Variants in PIEZO2 observed in about 807,000 individuals in gnomAD.
The protein encoded by PIEZO2 is piezo-type mechanosensitive ion channel component 2.
A neutral mutation model predicts 337.3 loss-of-function variants in PIEZO2; 172 were observed. The ratio of observed to expected loss-of-function variants is 0.51; its 90% CI spans 0.45 to 0.58. The LOEUF (loss-of-function observed/expected upper bound fraction) is 0.58, where lower values mean the gene tolerates loss of function less well. Among genes scored for constraint, PIEZO2 ranks in the 20% least tolerant of loss-of-function variants. PIEZO2 has a pLI of 0.00. For synonymous variants in PIEZO2, 1,251 were observed against 1,228.5 expected, an observed-to-expected ratio of 1.02 and a Z score of -0.38; for missense variants, 3,028 against 3,391.3, an observed-to-expected ratio of 0.89 and a Z score of 2.66.
rs2042115553 is a variant in PIEZO2, at chr18:10,870,580, G to C, written c.492+673C>G. Reference sequence around the variant, plus strand: ...CATAACAGTGTCCTGAGGCTGGTCAGGGGGCAGCGTGAGAGCCGTCTGACA... The same window carrying C: ...CATAACAGTGTCCTGAGGCTGGTCACGGGGCAGCGTGAGAGCCGTCTGACA... On this transcript the variant is annotated intron_variant, in intron 5 of 55. Transcript: ENST00000674853. This position sits in a 1 kb window ranked among gnomAD's most constrained non-coding sequence, Gnocchi z 5.3. 6.6e-6 allele frequency among the ~76,000 whole-genome samples: 1 copy of C among 151,296 alleles called. No individual in the cohort carries two copies. The highest frequency in any genetic ancestry group is 6.6e-5 in the Admixed American group (1 of 15,194).
At chr18:11,026,497 T>C (rs2036546790) in intron 2 of PIEZO2, among the ~76,000 whole-genome samples, 1 of 152,112 alleles carries the variant, frequency 6.6e-6, no homozygotes, top group South Asian at 2.1e-4. Context: ...CACCTGTAAC[T>C]CCTTGTCTTA....
intron 36 of PIEZO2, chr18:10,725,038 G>A (rs536300004): frequency 5.1e-6 from 8 of 1,580,086 alleles, no homozygotes; most frequent in South Asian, 1.1e-5. Flanking sequence ...CTGCATGTTG[G>A]TGGCCCTGCG....
chr18:10,715,895 T>C, intron 37 of PIEZO2, 79 bp from the exon 38 acceptor site: 2 of 1,210,268 alleles, frequency 1.7e-6, no homozygotes, highest in East Asian at 2.6e-5. Flanking sequence ...AGCGATGTTT[T>C]ACCAAAGCTG....
chr18:10,778,352 T>G lies in PIEZO2; in HGVS notation c.2534+1973A>C, dbSNP rs1414145071. Among the ~76,000 whole-genome samples the G allele has an allele frequency of 7.8e-4, 30 of 38,458 alleles. 1 individual carries two copies. Among genetic ancestry groups the G allele is most frequent in the East Asian group, 1.5e-3 (1 of 666 alleles). The allele number at this position is 38,458 out of a possible 152,430, so 25.2% of individuals were successfully genotyped here. On this transcript the variant is annotated intron_variant, in intron 18 of 55. Coordinates refer to ENST00000674853, the MANE Select transcript of PIEZO2 (RefSeq NM_001378183.1). ...TGGCTGCTCTTTTTTTTTTTTTTTT[T>G]GAGAGGGAGTCGCTCTGTCGCCCAG... is the stretch of plus-strand genomic sequence containing the variant.
chr18:10,828,447 A>G lies in PIEZO2; in HGVS notation c.918-21173T>C, dbSNP rs916510015. Among the ~76,000 whole-genome samples, 5 of 152,144 alleles carry G rather than the reference A, an allele frequency of 3.3e-5. No individual in the cohort carries two copies. The highest frequency in any genetic ancestry group is 7.4e-5 in the Non-Finnish European group (5 of 68,010). On this transcript the variant is annotated intron_variant, in intron 7 of 55. Transcript: ENST00000674853. This position sits in a 1 kb window ranked among gnomAD's most constrained non-coding sequence, Gnocchi z 4.1. The stretch of plus-strand genomic sequence containing the variant: ...GTTGGGGATTTTGGTGCATTTTAAC[A>G]GCTTCTTCAATTAAGGGATTCATGT...
rs984013399 is a variant in PIEZO2, at chr18:10,819,007, T to G, written c.918-11733A>C. On this transcript the variant is annotated intron_variant, in intron 7 of 55. Coordinates refer to ENST00000674853, the MANE Select transcript of PIEZO2 (RefSeq NM_001378183.1). The surrounding 1 kb of genome is among the most constrained non-coding windows in gnomAD (Gnocchi z 4.3). ...ATTTTTTATCTATATTGTTAGTGGC[T>G]AATAATTTTTTGTTACACTTTAAAC... is the stretch of plus-strand genomic sequence containing the variant. Among the ~76,000 whole-genome samples, 2 of 152,342 alleles carry G rather than the reference T, an allele frequency of 1.3e-5. No homozygotes were observed. Among genetic ancestry groups the G allele is most frequent in the East Asian group, 3.9e-4 (2 of 5,192 alleles).
At chr18:10,758,194 AAC>A in intron 26 of PIEZO2, 60 bp from the exon 27 acceptor site, 1 of 1,482,556 alleles carries the variant, frequency 6.7e-7, no homozygotes, top group South Asian at 1.3e-5. Flanking sequence ...TACATAATGC[AAC>A]ACACAGTCAT....
rs1221125527 is a variant in PIEZO2 at position 11,080,747 on chromosome 18, G to A, written c.65-14525C>T. Among the ~76,000 whole-genome samples the A allele has an allele frequency of 6.6e-6, 1 of 152,176 alleles. No homozygotes were observed. The highest frequency in any genetic ancestry group is 2.4e-5 in the African/African-American group (1 of 41,438). Reference sequence around the variant, plus strand: ...TAGTCCCAGCTACTTGAGAGGCTGAGGCAGGAGAATCGCTTGAACTCGGGA... The same window carrying A: ...TAGTCCCAGCTACTTGAGAGGCTGAAGCAGGAGAATCGCTTGAACTCGGGA... On this transcript the variant is annotated intron_variant, in intron 1 of 55. Transcript: ENST00000674853. This position sits in a 1 kb window ranked among gnomAD's most constrained non-coding sequence, Gnocchi z 5.4.
intron 1 of PIEZO2, among the ~76,000 whole-genome samples, chr18:11,119,212 A>G (rs1041006983): frequency 6.7e-6 from 1 of 149,468 alleles, no homozygotes; most frequent in African/African-American, 2.5e-5. Flanking sequence ...CAGTGGCCCA[A>G]TCTTGGCTCA....
intron 2 of PIEZO2, among the ~76,000 whole-genome samples, chr18:11,019,125 C>T (rs2036225753): frequency 6.6e-6 from 1 of 152,168 alleles, no homozygotes; most frequent in Non-Finnish European, 1.5e-5. Context: ...CTGATGTCTC[C>T]ATTGACGTAG....
At chr18:10,968,373 T>C (rs2034101126) in intron 3 of PIEZO2, among the ~76,000 whole-genome samples, 1 of 152,210 alleles carries the variant, frequency 6.6e-6, no homozygotes, top group Non-Finnish European at 1.5e-5. Context: ...TAGTTTGAAG[T>C]CAGGTAATGT....
Position 10,713,528 on chromosome 18 carries a change from T to C in PIEZO2, c.5423+1236A>G, listed in dbSNP as rs149518581. Among the ~76,000 whole-genome samples the C allele has an allele frequency of 1.3e-5, 2 of 152,186 alleles. No individual in the cohort carries two copies. Among genetic ancestry groups the C allele is most frequent in the African/African-American group, 4.8e-5 (2 of 41,434 alleles). On this transcript the variant is annotated intron_variant, in intron 39 of 55. Coordinates refer to ENST00000674853, the MANE Select transcript of PIEZO2 (RefSeq NM_001378183.1). This position sits in a 1 kb window ranked among gnomAD's most constrained non-coding sequence, Gnocchi z 4.5. ...AGGTCATTAGTGCCTCGCTCTAAAG[T>C]GTGACTCTAAAGCCATCCAGGAGTT... is the stretch of plus-strand genomic sequence containing the variant.
Position 10,758,729 on chromosome 18 carries a change from G to C in PIEZO2, c.3758-595C>G, listed in dbSNP as rs181854556. Among the ~76,000 whole-genome samples the C allele has an allele frequency of 2.6e-3, 401 of 152,230 alleles. 2 individuals carry two copies. Among genetic ancestry groups the C allele is most frequent in the African/African-American group, 9.0e-3 (375 of 41,548 alleles). ...TTCTTTATCCTTTCCATCCTCCTTTGCATTTGTAACCAAAGACTGTCCCCA... is the reference window on the plus strand; with the variant it reads ...TTCTTTATCCTTTCCATCCTCCTTTCCATTTGTAACCAAAGACTGTCCCCA... On this transcript the variant is annotated intron_variant, in intron 26 of 55. Coordinates refer to ENST00000674853, the MANE Select transcript of PIEZO2 (RefSeq NM_001378183.1).
chr18:11,037,376 A>C (rs1280373266), intron 2 of PIEZO2, among the ~76,000 whole-genome samples: 1 of 152,216 alleles, frequency 6.6e-6, no homozygotes, highest in African/African-American at 2.4e-5. Flanking sequence ...GTTTATTGTT[A>C]ATGTATTGGT....
intron 2 of PIEZO2, among the ~76,000 whole-genome samples, chr18:10,991,579 C>T (rs1008310116): frequency 6.6e-6 from 1 of 152,128 alleles, no homozygotes; most frequent in African/African-American, 2.4e-5. Flanking sequence ...TCTATGGCTG[C>T]ATAGTATTCC....
chr18:10,762,882 A>G (rs1362154530), intron 22 of PIEZO2, 40 bp downstream of exon 22: 4 of 1,523,612 alleles, frequency 2.6e-6, no homozygotes, highest in Non-Finnish European at 3.5e-6. Context: ...TTGCTTTGCT[A>G]AAGGGCAGTC....
Position 11,142,669 on chromosome 18 carries a change from T to C in PIEZO2, c.64+5856A>G, listed in dbSNP as rs150937328. ...GGTGGTGCACGCCTGTAATCCCAGC[T>C]ACTCCGGAGGCTGAGGCAGAAGAAT... On this transcript the variant is annotated intron_variant, in intron 1 of 55. Coordinates refer to ENST00000674853, the MANE Select transcript of PIEZO2 (RefSeq NM_001378183.1). Among the ~76,000 whole-genome samples, 591 of 151,340 alleles carry C rather than the reference T, an allele frequency of 3.9e-3. 3 individuals carry two copies. The highest frequency in any genetic ancestry group is 0.013 in the African/African-American group (545 of 41,240).
chr18:10,959,476 C>T (rs958610243), intron 3 of PIEZO2, among the ~76,000 whole-genome samples: 10 of 152,168 alleles, frequency 6.6e-5, no homozygotes, highest in Admixed American at 4.6e-4. Flanking sequence ...AGACAATCCA[C>T]TGTAAAGGTT....
rs1474982041 is a variant in PIEZO2 at position 11,021,814 on chromosome 18, A to G, written c.161-42154T>C. ...GGGGGACTGCAGATGCAAACCAGGAAAATGCCCAGCTCTGCTGCAGTTCCA... is the reference window on the plus strand; with the variant it reads ...GGGGGACTGCAGATGCAAACCAGGAGAATGCCCAGCTCTGCTGCAGTTCCA... On this transcript the variant is annotated intron_variant, in intron 2 of 55. Coordinates refer to ENST00000674853, the MANE Select transcript of PIEZO2 (RefSeq NM_001378183.1). The surrounding 1 kb of genome is among the most constrained non-coding windows in gnomAD (Gnocchi z 4.7). Among the ~76,000 whole-genome samples the G allele has an allele frequency of 6.6e-6, 1 of 152,186 alleles. No homozygotes were observed. The highest frequency in any genetic ancestry group is 1.5e-5 in the Non-Finnish European group (1 of 68,040).
Sources: gnomAD v4.1 joint callset for allele counts (sites outside exome capture counted in the v4.1 genomes callset) on GRCh38, gnomAD v4.1.1 for gene constraint, Gnocchi (gnomAD v3.1) non-coding constraint, MANE v1.5 for transcripts, NCBI Gene and HGNC (gene_info 2026-07-23, HGNC 2026-07-21) for gene names.